Variants in TOMM7 observed in about 807,000 individuals in gnomAD.
TOMM7 encodes translocase of outer mitochondrial membrane 7.
In TOMM7, 8 loss-of-function variants were observed where a neutral mutation model predicts 9.5. The ratio of observed to expected loss-of-function variants is 0.84; its 90% CI spans 0.49 to 1.51. TOMM7 has a LOEUF of 1.51. Ranked by LOEUF, TOMM7 falls within the 40% of genes most tolerant of loss-of-function variation. TOMM7 has a pLI of 0.00. For missense variants in TOMM7, 74 were observed against 63.7 expected (o/e 1.16, Z -0.55); for synonymous variants, 27 against 21.4 (o/e 1.26, Z -0.72).
intron 2 of TOMM7, among the ~76,000 whole-genome samples, chr7:22,815,413 C>T (rs780186077): frequency 2.6e-5 from 4 of 151,970 alleles, no homozygotes; most frequent in African/African-American, 7.3e-5. Context: ...ACCACCAAGA[C>T]GGCCAGGTGC....
intron 2 of TOMM7, among the ~76,000 whole-genome samples, chr7:22,814,533 G>C (rs1325028974): frequency 6.6e-6 from 1 of 151,376 alleles, no homozygotes; most frequent in Non-Finnish European, 1.5e-5. Flanking sequence ...ATCTATGAAG[G>C]TCTCTTCTTC....
rs972423010 is a variant in TOMM7, at chr7:22,822,795, G to A, written c.-16C>T. The A allele has an allele frequency of 2.5e-6, 4 of 1,605,916 alleles. No homozygotes were observed. The highest frequency in any genetic ancestry group is 3.3e-5 in the Admixed American group (2 of 59,996). On this transcript the variant is annotated 5_prime_UTR_variant, in exon 1 of 3. Transcript: ENST00000358435. ...GCTTCACCATGGCGACGGCCGTGTGGCGCAGGGAGGACCCCTTACAGCAAC... is the reference window on the plus strand; with the variant it reads ...GCTTCACCATGGCGACGGCCGTGTGACGCAGGGAGGACCCCTTACAGCAAC...
intron 1 of TOMM7, among the ~76,000 whole-genome samples, chr7:22,819,704 A>G (rs981143911): frequency 9.2e-5 from 14 of 151,874 alleles, no homozygotes; most frequent in African/African-American, 3.4e-4. Context: ...ATGGCCTGTA[A>G]GCATGTCTCT....
At chr7:22,817,539 C>G (rs1420430259) in intron 2 of TOMM7, 1 of 189,884 alleles carries the variant, frequency 5.3e-6, no homozygotes, top group Non-Finnish European at 1.1e-5. Context: ...CAGGTGTGAG[C>G]CACCACACCC....
chr7:22,815,577 A>G (rs111769276), intron 2 of TOMM7, among the ~76,000 whole-genome samples: 358 of 152,316 alleles, frequency 2.4e-3, no homozygotes, highest in African/African-American at 8.3e-3. Flanking sequence ...GAAGACCATC[A>G]AGAGATGAGG....
At chr7:22,818,462 G>T (rs568938101) in intron 1 of TOMM7, 1 of 157,646 alleles carries the variant, frequency 6.3e-6, no homozygotes, top group South Asian at 1.9e-4. Flanking sequence ...TGTATTTTTA[G>T]TAGAGACAGA....
intron 1 of TOMM7, chr7:22,822,227 G>A: frequency 6.4e-7 from 1 of 1,550,848 alleles, no homozygotes; most frequent in Non-Finnish European, 8.7e-7. Context: ...GGCATCCAAC[G>A]ACTATTATTA....
At chr7:22,815,317 G>A (rs1219137993) in intron 2 of TOMM7, among the ~76,000 whole-genome samples, 1 of 151,676 alleles carries the variant, frequency 6.6e-6, no homozygotes, top group Non-Finnish European at 1.5e-5. Flanking sequence ...AATCACCCAG[G>A]GCACAAAAAA....
intron 1 of TOMM7, chr7:22,822,369 T>G: frequency 7.7e-7 from 1 of 1,292,330 alleles, no homozygotes; most frequent in Non-Finnish European, 1.0e-6. Flanking sequence ...GAGAGTGAAT[T>G]AGTGACTTTC....
At chr7:22,816,646 T>TG (rs1782320722) in intron 2 of TOMM7, among the ~76,000 whole-genome samples, 1 of 152,212 alleles carries the variant, frequency 6.6e-6, no homozygotes, top group Non-Finnish European at 1.5e-5. Context: ...GTGAACAATT[T>TG]GAAAGCACAT....
intron 2 of TOMM7, chr7:22,817,509 T>A (rs1782332002): frequency 4.3e-6 from 1 of 234,406 alleles, no homozygotes; most frequent in East Asian, 1.5e-4. Flanking sequence ...CCACCTTGGC[T>A]TTCCAAAGTG....
chr7:22,820,729 T>C (rs1215699754), intron 1 of TOMM7, among the ~76,000 whole-genome samples: 1 of 152,118 alleles, frequency 6.6e-6, no homozygotes, highest in African/African-American at 2.4e-5. Context: ...GCAAGAATAG[T>C]GGGGACAACA....
intron 2 of TOMM7, among the ~76,000 whole-genome samples, chr7:22,813,416 T>C (rs937031412): frequency 5.3e-5 from 8 of 152,102 alleles, no homozygotes; most frequent in Admixed American, 4.6e-4. Context: ...AAAACAAAAA[T>C]GTGAGCAGAC....
chr7:22,818,300 ACT>A, intron 1 of TOMM7: 1 of 354,862 alleles, frequency 2.8e-6, no homozygotes, highest in South Asian at 3.1e-5. Context: ...ACAGAGTCTC[ACT>A]CTGTCACCCA....
intron 1 of TOMM7, among the ~76,000 whole-genome samples, chr7:22,821,405 C>CAA (rs76073004): frequency 1.6e-5 from 2 of 122,948 alleles, no homozygotes; most frequent in African/African-American, 2.8e-5. Context: ...GACCCCGTCT[C>CAA]AAAAAAAAAA....
At chr7:22,820,805 G>C (rs928044103) in intron 1 of TOMM7, among the ~76,000 whole-genome samples, 3 of 152,026 alleles carry the variant, frequency 2.0e-5, no homozygotes, top group Non-Finnish European at 4.4e-5. Context: ...GAAAAGTAAT[G>C]TTTTTTTAAA....
chr7:22,818,009 G>C lies in TOMM7; in HGVS notation c.143C>G (p.Thr48Ser). 6.2e-7 allele frequency: 1 copy of C among 1,613,876 alleles called. No homozygotes were observed. Among genetic ancestry groups the C allele is most frequent in the Non-Finnish European group, 8.5e-7 (1 of 1,179,910 alleles). ...RGADPGMPEP[T>S]VLSLLWG ...GTTTTAAGAGCAGTACCTCAAAACA[G>C]TTGGTTCAGGCATTCCGGGATCTGC... Residue 48 changes from threonine (T) to serine (S), a missense_variant, in exon 2 of 3, where the codon ACT (threonine) becomes AGT (serine). By Grantham distance (58) the Thr-to-Ser change is moderately conservative. Coordinates refer to ENST00000358435, the MANE Select transcript of TOMM7 (RefSeq NM_019059.5).
intron 1 of TOMM7, among the ~76,000 whole-genome samples, chr7:22,821,405 CA>C (rs76073004): frequency 0.022 from 2,644 of 122,924 alleles, 97 homozygotes; most frequent in African/African-American, 0.064. Flanking sequence ...GACCCCGTCT[CA>C]AAAAAAAAAA....
At chr7:22,818,833 G>A (rs189376431) in intron 1 of TOMM7, among the ~76,000 whole-genome samples, 34 of 151,532 alleles carry the variant, frequency 2.2e-4, no homozygotes, top group African/African-American at 8.2e-4. Flanking sequence ...GGCTGGTCTT[G>A]AACTCCTGGG....
Sources: allele counts gnomAD v4.1 joint callset (sites outside exome capture counted in the v4.1 genomes callset), GRCh38; gene constraint gnomAD v4.1.1; transcripts MANE v1.5; gene names NCBI Gene and HGNC (gene_info 2026-07-23, HGNC 2026-07-21).